The following MND1 variants were observed in gnomAD, a reference collection of about 807,000 sequenced individuals.
MND1 encodes the protein meiotic nuclear division protein 1 homolog.
In MND1, 28 loss-of-function variants were observed where a neutral mutation model predicts 35.1. That is an observed-to-expected ratio of 0.80 (90% confidence interval 0.59 to 1.09). The LOEUF (loss-of-function observed/expected upper bound fraction) is 1.09, where lower values mean the gene tolerates loss of function less well. MND1 is among the 50% of genes least tolerant of loss of function. The pLI, the probability that MND1 is intolerant of heterozygous loss-of-function variation, is 0.00. For synonymous variants in MND1, 69 were observed against 70.5 expected (o/e 0.98, Z 0.11); for missense variants, 213 against 239.6 (o/e 0.89, Z 0.73).
chr4:153,382,777 CAT>C (rs1170580708), intron 4 of MND1, among the ~76,000 whole-genome samples: 1 of 152,136 alleles, frequency 6.6e-6, no homozygotes, highest in Non-Finnish European at 1.5e-5. Context: ...AACTGAATAA[CAT>C]TACATTAAAA....
chr4:153,404,717 G>A (rs562700500), intron 6 of MND1, among the ~76,000 whole-genome samples: 8 of 151,996 alleles, frequency 5.3e-5, no homozygotes, highest in Admixed American at 2.0e-4. Flanking sequence ...GACCTCCGGT[G>A]ATCTGCCCGC....
rs185729718 is a variant in MND1, at chr4:153,375,825, G to A, written c.276+17203G>A. On this transcript the variant is annotated intron_variant, in intron 4 of 7. Transcript: ENST00000240488. ...TTGAATTTTGCTGAAAATAATTTGA[G>A]GTGTAGTGATTTATTTCTGAAAAGC... Among the ~76,000 whole-genome samples, 7 of 152,168 alleles carry A rather than the reference G, an allele frequency of 4.6e-5. No homozygotes were observed. In the East Asian group the frequency reaches 1.4e-3, roughly 29 times the overall value.
chr4:153,353,283 T>C (rs947845345), intron 2 of MND1, among the ~76,000 whole-genome samples: 2 of 151,322 alleles, frequency 1.3e-5, no homozygotes, highest in Non-Finnish European at 2.9e-5. Flanking sequence ...TGAGATGAAA[T>C]TTTTTCAACA....
Position 153,371,671 on chromosome 4 carries a change from G to A in MND1, c.276+13049G>A, listed in dbSNP as rs77928008. Among the ~76,000 whole-genome samples, 644 of 152,112 alleles carry A rather than the reference G, an allele frequency of 4.2e-3. 7 individuals carry two copies. The highest frequency in any genetic ancestry group is 0.015 in the African/African-American group (613 of 41,534). Reference sequence around the variant, plus strand: ...CTTAAGGGAACGTTGTGGTTGGCTCGATCCTCTACCCAGACCACTAAAACT... The same window carrying A: ...CTTAAGGGAACGTTGTGGTTGGCTCAATCCTCTACCCAGACCACTAAAACT... On this transcript the variant is annotated intron_variant, in intron 4 of 7. Coordinates refer to ENST00000240488, the MANE Select transcript of MND1 (RefSeq NM_032117.4).
chr4:153,396,235 G>A (rs1303491060), intron 5 of MND1, among the ~76,000 whole-genome samples: 1 of 152,256 alleles, frequency 6.6e-6, no homozygotes. Flanking sequence ...GCCACATGTG[G>A]CTAGTAGGTC....
chr4:153,385,874 C>A (rs1056147474), intron 4 of MND1, among the ~76,000 whole-genome samples: 2 of 152,118 alleles, frequency 1.3e-5, no homozygotes, highest in Non-Finnish European at 2.9e-5. Flanking sequence ...TGGATGCCAG[C>A]AGTAATTTGG....
At chr4:153,346,690 TTGAG>T (rs1361671542) in intron 1 of MND1, among the ~76,000 whole-genome samples, 2 of 152,342 alleles carry the variant, frequency 1.3e-5, no homozygotes. Flanking sequence ...TCCACATTTC[TTGAG>T]TAACTTTCAT....
At chr4:153,375,707 A>G (rs1359612349) in intron 4 of MND1, among the ~76,000 whole-genome samples, 1 of 152,156 alleles carries the variant, frequency 6.6e-6, no homozygotes, top group Admixed American at 6.6e-5. Flanking sequence ...TTGCTTACCT[A>G]ATTGCTTAAA....
chr4:153,359,162 C>A (rs1773417804), intron 4 of MND1, among the ~76,000 whole-genome samples: 1 of 152,158 alleles, frequency 6.6e-6, no homozygotes, highest in Admixed American at 6.5e-5. Flanking sequence ...AGAATAGTTT[C>A]ACTGCCCTAA....
chr4:153,365,767 G>A (rs777695510), intron 4 of MND1, among the ~76,000 whole-genome samples: 12 of 152,076 alleles, frequency 7.9e-5, no homozygotes, highest in Non-Finnish European at 1.3e-4. Context: ...GCCTGGCCAC[G>A]GTAATGATGG....
chr4:153,395,484 A>G (rs1729171998), intron 5 of MND1, among the ~76,000 whole-genome samples: 1 of 152,202 alleles, frequency 6.6e-6, no homozygotes. Flanking sequence ...AGAAAGATGA[A>G]GTCTTGTGCT....
chr4:153,367,362 T>C (rs1002466988), intron 4 of MND1, among the ~76,000 whole-genome samples: 17 of 152,232 alleles, frequency 1.1e-4, no homozygotes, highest in Admixed American at 1.3e-4. Context: ...TCTGTCACTG[T>C]AGATTTCCCT....
chr4:153,414,119 T>C (rs1729766833), intron 7 of MND1, among the ~76,000 whole-genome samples: 2 of 152,248 alleles, frequency 1.3e-5, no homozygotes, highest in South Asian at 2.1e-4. Flanking sequence ...GGAGCAACTT[T>C]AATTCCTGAG....
At chr4:153,362,426 C>T (rs184851312) in intron 4 of MND1, among the ~76,000 whole-genome samples, 37 of 152,284 alleles carry the variant, frequency 2.4e-4, no homozygotes, top group Admixed American at 9.1e-4. Context: ...GCACCTCCCC[C>T]GCTTTCAGTC....
intron 4 of MND1, among the ~76,000 whole-genome samples, chr4:153,370,342 A>G (rs1773760243): frequency 1.3e-5 from 2 of 152,024 alleles, no homozygotes; most frequent in South Asian, 4.1e-4. Context: ...CAATTCAGTC[A>G]CATCTTTATT....
intron 4 of MND1, among the ~76,000 whole-genome samples, chr4:153,363,365 C>T (rs1014956919): frequency 2.0e-5 from 3 of 152,052 alleles, no homozygotes; most frequent in East Asian, 3.9e-4. Flanking sequence ...GCGCCCGCCA[C>T]CACACCTGGC....
chr4:153,386,916 G>A (rs189740626), intron 4 of MND1, among the ~76,000 whole-genome samples: 2 of 152,194 alleles, frequency 1.3e-5, no homozygotes, highest in Admixed American at 6.5e-5. Flanking sequence ...CTTTACAGGG[G>A]TCACTCTGGG....
intron 6 of MND1, among the ~76,000 whole-genome samples, chr4:153,405,407 G>C (rs1047886944): frequency 2.0e-5 from 3 of 151,934 alleles, no homozygotes; most frequent in Admixed American, 2.0e-4. Context: ...GGCGTGGTGG[G>C]TGCCTGTAGT....
chr4:153,374,716 T>C (rs1359037518), intron 4 of MND1, among the ~76,000 whole-genome samples: 1 of 152,080 alleles, frequency 6.6e-6, no homozygotes, highest in African/African-American at 2.4e-5. Flanking sequence ...AGAACAGACA[T>C]TCTTATAAGC....
Sources: allele counts gnomAD v4.1 joint callset (sites outside exome capture counted in the v4.1 genomes callset), GRCh38; gene constraint gnomAD v4.1.1; transcripts MANE v1.5; gene names NCBI Gene and HGNC (gene_info 2026-07-23, HGNC 2026-07-21).